Variants in PRRC2C observed in about 807,000 individuals in gnomAD.
PRRC2C encodes protein PRRC2C.
In PRRC2C, 72 loss-of-function variants were observed where a neutral mutation model predicts 317.2. That is an observed-to-expected ratio of 0.23 (90% CI 0.19 to 0.28). The LOEUF is 0.28. PRRC2C is among the 10% of genes least tolerant of loss of function. The probability of loss-of-function intolerance (pLI) is 1.00; values close to 1 mark genes in which losing one functional copy is unlikely to be tolerated. For synonymous variants in PRRC2C, 1,296 were observed against 1,205.9 expected (o/e 1.07, Z -1.55); for missense variants, 3,074 against 3,459.7 (o/e 0.89, Z 2.80).
At chr1:171,580,758 G>A (rs537100429) in intron 28 of PRRC2C, among the ~76,000 whole-genome samples, 7 of 152,312 alleles carry the variant, frequency 4.6e-5, no homozygotes, top group East Asian at 1.9e-4. Flanking sequence ...GATAGTAGGA[G>A]CAGTGCATCA....
chr1:171,523,154 C>G, intron 7 of PRRC2C, 67 bp from the exon 8 acceptor site: 1 of 1,388,880 alleles, frequency 7.2e-7, no homozygotes, highest in South Asian at 1.4e-5. Flanking sequence ...AAATTCCAAT[C>G]TTTTAGTATT....
In PRRC2C at chr1:171,557,297, C is replaced by T; in HGVS notation, c.5185C>T (p.Pro1729Ser). Residue 1729 changes from proline to serine, a missense_variant, in exon 19 of 35, where the codon CCA becomes TCA. Physicochemically the swap from Pro to Ser is moderately conservative, Grantham distance 74. This residue lies in a region of PRRC2C where 640 missense variants were observed against 676.1 expected (regional missense o/e 0.95). Coordinates refer to ENST00000647382, the MANE Select transcript of PRRC2C (RefSeq NM_001387844.1). ...KGRSQTSKLPPRFAKKQATGI... is the reference protein window; with the variant it reads ...KGRSQTSKLPSRFAKKQATGI... ...AAGAAGCCAGACTTCTAAGCTTCCT[C>T]CAAGATTTGCCAAAAAACAGGCTAC... 6.4e-7 allele frequency: 1 copy of T among 1,551,968 alleles called. No homozygotes were observed. Among genetic ancestry groups the T allele is most frequent in the Non-Finnish European group, 8.7e-7 (1 of 1,147,038 alleles).
chr1:171,524,827 T>A lies in PRRC2C; in HGVS notation c.1062T>A (p.Asp354Glu). ...SNSPKENNSE[D>E]QGSKASENNE... Reference sequence around the variant, plus strand: ...CTGCATTTTGATTTTTCAGTGAGGATCAAGGTTCAAAAGCCTCTGAAAACA... The same window carrying A: ...CTGCATTTTGATTTTTCAGTGAGGAACAAGGTTCAAAAGCCTCTGAAAACA... Residue 354 changes from aspartate (D) to glutamate (E), a missense_variant, in exon 10 of 35, where the codon GAT (aspartate) becomes GAA (glutamate). Physicochemically the swap from Asp to Glu is conservative, Grantham distance 45. This residue lies in a region of PRRC2C where 1,320 missense variants were observed against 1,395.7 expected (regional missense o/e 0.95). Coordinates refer to ENST00000647382, the MANE Select transcript of PRRC2C (RefSeq NM_001387844.1). The A allele has an allele frequency of 6.4e-7, 1 of 1,565,062 alleles. No homozygotes were observed. The highest frequency in any genetic ancestry group is 8.7e-7 in the Non-Finnish European group (1 of 1,154,382).
intron 11 of PRRC2C, among the ~76,000 whole-genome samples, chr1:171,530,479 C>A (rs111883414): frequency 0.081 from 12,266 of 151,988 alleles, 1,632 homozygotes; most frequent in African/African-American, 0.28. Flanking sequence ...TTCCTGAGCT[C>A]AAGCAGTCCT....
chr1:171,540,559 A>C lies in PRRC2C; in HGVS notation c.3093A>C (p.Glu1031Asp). 6.2e-7 allele frequency: 1 copy of C among 1,613,968 alleles called. No individual in the cohort carries two copies. Among genetic ancestry groups the C allele is most frequent in the Non-Finnish European group, 8.5e-7 (1 of 1,179,882 alleles). ...TTAGAGATATGAAAGAGGAACGGGA[A>C]CAGAGGAAGGAGAAAGAAGGAGAAA... Reference protein sequence around the residue: ...PVLRDMKEEREQRKEKEGEKA... With the variant: ...PVLRDMKEERDQRKEKEGEKA... The change falls in exon 16 of 35, where the codon GAA becomes GAC. Residue 1031 changes from glutamate (E) to aspartate (D), a missense_variant. By Grantham distance (45) the Glu-to-Asp change is conservative. This residue lies in a region of PRRC2C where 1,320 missense variants were observed against 1,395.7 expected (regional missense o/e 0.95). Coordinates refer to ENST00000647382, the MANE Select transcript of PRRC2C (RefSeq NM_001387844.1).
At chr1:171,568,852 T>A (rs1368433393) in intron 23 of PRRC2C, among the ~76,000 whole-genome samples, 1 of 151,296 alleles carries the variant, frequency 6.6e-6, no homozygotes, top group Non-Finnish European at 1.5e-5. Flanking sequence ...CTATATTGTA[T>A]TGTATACATA....
intron 33 of PRRC2C, 79 bp from the exon 34 acceptor site, chr1:171,589,290 A>G: frequency 1.2e-6 from 1 of 817,394 alleles, no homozygotes; most frequent in Non-Finnish European, 1.7e-6. Context: ...GGGATGAGCC[A>G]ACCTGGTCTA....
chr1:171,558,856 A>G (rs961603412), intron 19 of PRRC2C, among the ~76,000 whole-genome samples: 6 of 152,248 alleles, frequency 3.9e-5, no homozygotes, highest in Non-Finnish European at 8.8e-5. Flanking sequence ...AGCTTATTGA[A>G]GAAGGCATGG....
chr1:171,542,680 A>G (rs1340576436), intron 16 of PRRC2C, among the ~76,000 whole-genome samples: 1 of 152,216 alleles, frequency 6.6e-6, no homozygotes, highest in East Asian at 1.9e-4. Context: ...TTCTACTACC[A>G]AGGACACCAA....
chr1:171,567,371 A>G (rs751364372), intron 22 of PRRC2C, among the ~76,000 whole-genome samples: 1 of 152,238 alleles, frequency 6.6e-6, no homozygotes, highest in Admixed American at 6.5e-5. Flanking sequence ...TTGATTGACC[A>G]TGGGAACAGA....
intron 20 of PRRC2C, among the ~76,000 whole-genome samples, chr1:171,563,186 A>G (rs889513322): frequency 3.3e-5 from 5 of 152,188 alleles, no homozygotes; most frequent in African/African-American, 1.2e-4. Flanking sequence ...TTCTCTCCAC[A>G]TCTGTAGAGA....
At chr1:171,554,838 G>C (rs578136171) in intron 18 of PRRC2C, among the ~76,000 whole-genome samples, 1 of 152,344 alleles carries the variant, frequency 6.6e-6, no homozygotes, top group Non-Finnish European at 1.5e-5. Flanking sequence ...TCAGCTGTTA[G>C]TCTGATGGGC....
rs1202568920 is a variant in PRRC2C, at chr1:171,545,469, T to G, written c.4764-10T>G. The G allele has an allele frequency of 7.7e-6, 12 of 1,549,982 alleles. No individual in the cohort carries two copies. Among genetic ancestry groups the G allele is most frequent in the Middle Eastern group, 1.7e-4 (1 of 5,950 alleles). ...TGGAAATAGTAATATCTCAAGTTATTTTTTTGTAGGCCATTTGATGACCAG... is the reference window on the plus strand; with the variant it reads ...TGGAAATAGTAATATCTCAAGTTATGTTTTTGTAGGCCATTTGATGACCAG... On this transcript the variant is annotated splice_polypyrimidine_tract_variant and intron_variant, in intron 16 of 34. Transcript: ENST00000647382.
intron 28 of PRRC2C, 137 bp downstream of exon 28, chr1:171,580,101 A>T: frequency 1.5e-6 from 1 of 685,284 alleles, no homozygotes. Flanking sequence ...CTAATTGAGC[A>T]TGTTGATTAT....
In PRRC2C at chr1:171,532,868, G is replaced by A. The variant is rs529252589; in HGVS notation, c.1780G>A (p.Glu594Lys). ...AGAAAAGGAATGTGAGCTGGAGAAGGAAAGGGAAAAATTAGAGGAGAAAAT... is the reference window on the plus strand; with the variant it reads ...AGAAAAGGAATGTGAGCTGGAGAAGAAAAGGGAAAAATTAGAGGAGAAAAT... The part of the protein sequence containing the change: ...EQEKECELEK[E>K]REKLEEKIEP... Residue 594 changes from glutamate (E) to lysine (K), a missense_variant, in exon 12 of 35, where the codon GAA (glutamate) becomes AAA (lysine). Glu to Lys is a moderately conservative substitution (Grantham distance 56). Around this residue, in one of 11 missense-constraint regions of PRRC2C, gnomAD observed 1,320 missense variants for 1,395.7 expected, o/e 0.95. Coordinates refer to ENST00000647382, the MANE Select transcript of PRRC2C (RefSeq NM_001387844.1). 2 of 1,590,230 alleles carry A rather than the reference G, an allele frequency of 1.3e-6. No individual in the cohort carries two copies. The highest frequency in any genetic ancestry group is 1.4e-5 in the African/African-American group (1 of 73,154).
At chr1:171,572,536 A>G (rs925088215) in intron 24 of PRRC2C, among the ~76,000 whole-genome samples, 1 of 152,302 alleles carries the variant, frequency 6.6e-6, no homozygotes, top group Non-Finnish European at 1.5e-5. Flanking sequence ...TAAGAGGCTT[A>G]ACAAATATAA....
At chr1:171,527,968 C>T in intron 11 of PRRC2C, 124 bp downstream of exon 11, 1 of 679,280 alleles carries the variant, frequency 1.5e-6, no homozygotes, top group Non-Finnish European at 2.6e-6. Flanking sequence ...CCTTGTGACT[C>T]TTACATGTCT....
Position 171,566,610 on chromosome 1 carries a change from GT to G in PRRC2C, c.6326del (p.Val2109GlufsTer17). 1 of 1,589,024 alleles carries G rather than the reference GT, an allele frequency of 6.3e-7. No individual in the cohort carries two copies. The highest frequency in any genetic ancestry group is 1.1e-5 in the South Asian group (1 of 87,070). Reference protein sequence around the residue: ...KAQKLPDLSPVENKEHKPGPI... With the variant: ...KAQKLPDLSPXENKEHKPGPI... Reference sequence around the variant, plus strand: ...ACTTTAGCTTCCAGATTTGAGTCCAGTAGAAAACAAAGAACACAAACCTGGT... The same window carrying G: ...ACTTTAGCTTCCAGATTTGAGTCCAGAGAAAACAAAGAACACAAACCTGGT... On this transcript the variant is annotated frameshift_variant, in exon 22 of 35. Coordinates refer to ENST00000647382, the MANE Select transcript of PRRC2C (RefSeq NM_001387844.1). LOFTEE classifies it high-confidence loss of function.
At chr1:171,538,740 C>T (rs1288885031) in intron 15 of PRRC2C, among the ~76,000 whole-genome samples, 1 of 152,034 alleles carries the variant, frequency 6.6e-6, no homozygotes, top group African/African-American at 2.4e-5. Flanking sequence ...TGAGAAGGGT[C>T]TCGCTCTGTC....
Sources: allele counts gnomAD v4.1 joint callset (sites outside exome capture counted in the v4.1 genomes callset), GRCh38; gene constraint gnomAD v4.1.1; regional missense constraint gnomAD v4.1.1; transcripts MANE v1.5; gene names NCBI Gene and HGNC (gene_info 2026-07-23, HGNC 2026-07-21).